The following MAPKBP1 variants were observed in gnomAD, a reference collection of about 807,000 sequenced individuals.
The protein encoded by MAPKBP1 is mitogen-activated protein kinase-binding protein 1.
Under a neutral mutation model 170.5 loss-of-function variants are expected in MAPKBP1, and 71 were observed. The observed-to-expected ratio is 0.42, with a 90% CI of 0.34 to 0.51. The LOEUF (loss-of-function observed/expected upper bound fraction) is 0.51, where lower values mean the gene tolerates loss of function less well. MAPKBP1 is among the 20% of genes least tolerant of loss of function. MAPKBP1 has a pLI of 0.06. For synonymous variants in MAPKBP1, 719 were observed against 757.9 expected (o/e 0.95, Z 0.84); for missense variants, 1,598 against 1,933.0 (o/e 0.83, Z 3.25).
rs1278333553 is a variant in MAPKBP1, at chr15:41,827,328, A to C, written c.*1892A>C. The C allele has an allele frequency of 6.6e-6, 1 of 152,062 alleles. No individual in the cohort carries two copies. The highest frequency in any genetic ancestry group is 1.5e-5 in the Non-Finnish European group (1 of 68,068). 9.4% of individuals were successfully genotyped at this position (152,062 alleles called of 1,614,324 possible). A position where few individuals can be genotyped will look rare whatever the true frequency, so the allele number is the denominator to read the frequency against. On this transcript the variant is annotated 3_prime_UTR_variant, in exon 31 of 31. Transcript: ENST00000457542. ...AAAAAAAAAGAAAAAGGGTTACAAA[A>C]GGTTCCCAGCTCCGGGGCATCAGCC...
chr15:41,818,954 A>T lies in MAPKBP1; in HGVS notation c.2288A>T (p.Asn763Ile), dbSNP rs768023031. 9.3e-6 allele frequency: 15 copies of T among 1,613,866 alleles called. No individual in the cohort carries two copies. Among genetic ancestry groups the T allele is most frequent in the Non-Finnish European group, 1.7e-6 (2 of 1,179,930 alleles). The change falls in exon 20 of 31, where the codon AAC becomes ATC. Residue 763 changes from asparagine (N) to isoleucine (I), a missense_variant. Around this residue, in one of 6 missense-constraint regions of MAPKBP1, gnomAD observed 942 missense variants for 953.2 expected, o/e 0.99. Coordinates refer to ENST00000457542, the MANE Select transcript of MAPKBP1 (RefSeq NM_014994.3). This position sits in a 1 kb window ranked among gnomAD's most constrained non-coding sequence, Gnocchi z 5.2. ...PSSPQRASGPNRHQAPSMLSP... is the reference protein window; with the variant it reads ...PSSPQRASGPIRHQAPSMLSP... ...TCTCCCCAAAGGGCTTCTGGACCCA[A>T]CCGGTGAGAACAGAATGTGGGCAAG...
intron 2 of MAPKBP1, among the ~76,000 whole-genome samples, chr15:41,795,676 G>A (rs1475332848): frequency 6.6e-6 from 1 of 152,042 alleles, no homozygotes; most frequent in Admixed American, 6.6e-5. Context: ...GTGCAATCTC[G>A]GTTCACTGTA....
At chr15:41,775,438 C>T (rs372913874) in intron 2 of MAPKBP1, 49 bp downstream of exon 2, 4 of 1,353,154 alleles carry the variant, frequency 3.0e-6, no homozygotes, top group Non-Finnish European at 4.2e-6. Flanking sequence ...CTCTCCTGCT[C>T]CATGTTCCTC....
chr15:41,824,628 G>A (rs975478308), intron 30 of MAPKBP1, 59 bp downstream of exon 30: 29 of 1,457,878 alleles, frequency 2.0e-5, no homozygotes, highest in East Asian at 9.8e-5. Context: ...TGGGTGTTTC[G>A]GATAACCATG....
rs1256524166 is a variant in MAPKBP1, at chr15:41,812,658, G to A, written c.636+5G>A. On this transcript the variant is annotated splice_donor_5th_base_variant and intron_variant, in intron 7 of 30. Transcript: ENST00000457542. Reference sequence around the variant, plus strand: ...GATGACAGCAAGACCTCAAAGGTGAGGTGCTGAAGCTGGGAGTAGCCACCA... The same window carrying A: ...GATGACAGCAAGACCTCAAAGGTGAAGTGCTGAAGCTGGGAGTAGCCACCA... 1 of 1,589,258 alleles carries A rather than the reference G, an allele frequency of 6.3e-7. No homozygotes were observed. The highest frequency in any genetic ancestry group is 8.6e-7 in the Non-Finnish European group (1 of 1,166,464).
intron 8 of MAPKBP1, 167 bp downstream of exon 8, chr15:41,813,268 C>T: frequency 6.6e-7 from 1 of 1,510,250 alleles, no homozygotes. Flanking sequence ...CCTTGGTGAT[C>T]TGTATAACTG....
At chr15:41,775,002 C>T in intron 1 of MAPKBP1, 165 bp from the exon 2 acceptor site, 2 of 466,254 alleles carry the variant, frequency 4.3e-6, no homozygotes, top group South Asian at 9.2e-5. Flanking sequence ...AGGATTTTCC[C>T]CCCCTTTTTC....
At position 41,817,059 on chromosome 15, in the gene MAPKBP1, C is replaced by T. The variant is rs768311911; in HGVS notation, c.1711+24C>T. ...AGGTGCGGGCAGGGTGAATGAGACA[C>T]ATCCTGCCACTCTCACCCCTGCTGC... is the stretch of plus-strand genomic sequence containing the variant. On this transcript the variant is annotated intron_variant, in intron 14 of 30. Transcript: ENST00000457542. This position sits in a 1 kb window ranked among gnomAD's most constrained non-coding sequence, Gnocchi z 4.2. The T allele has an allele frequency of 2.6e-6, 4 of 1,556,530 alleles. No homozygotes were observed. The African/African-American group carries it at 4.1e-5, about 16-fold the overall frequency.
chr15:41,816,457 T>C, intron 12 of MAPKBP1, 102 bp from the exon 13 acceptor site: 2 of 771,122 alleles, frequency 2.6e-6, no homozygotes, highest in Non-Finnish European at 4.4e-6. Context: ...GCCTAAAAGT[T>C]CAAAAAAAGG....
intron 3 of MAPKBP1, among the ~76,000 whole-genome samples, chr15:41,802,036 T>C (rs1736551868): frequency 6.6e-6 from 1 of 152,160 alleles, no homozygotes; most frequent in Admixed American, 6.5e-5. Context: ...GGCTACATGG[T>C]GTAGCCGGTT....
At position 41,786,777 on chromosome 15, in the gene MAPKBP1, A is replaced by AAAAAAATATATAT; in HGVS notation, c.114+11389_114+11390insAAAAATATATATA. ...CAGACTCCGTCTAAAAAAAAAAAAA[A>AAAAAAATATATAT]ATATATATATATATATATATATATA... On this transcript the variant is annotated intron_variant, in intron 2 of 30. Transcript: ENST00000457542. 5.2e-4 allele frequency among the ~76,000 whole-genome samples: 17 copies of AAAAAAATATATAT among 32,440 alleles called. 1 individual carries two copies. The highest frequency in any genetic ancestry group is 1.4e-3 in the African/African-American group (11 of 7,628). The allele number at this position is 32,440 out of a possible 152,430, so 21.3% of individuals were successfully genotyped here. A position where few individuals can be genotyped will look rare whatever the true frequency, so the allele number is the denominator to read the frequency against.
At position 41,817,420 on chromosome 15, in the gene MAPKBP1, G is replaced by GGAGC; in HGVS notation, c.1745_1748dup (p.Asp584SerfsTer33). ...TGGGCAAGTCCGCATGATCAGCTGT[G>GGAGC]GAGCAGACAAGAGCATCTACTTCCG... On this transcript the variant is annotated frameshift_variant, in exon 15 of 31. Coordinates refer to ENST00000457542, the MANE Select transcript of MAPKBP1 (RefSeq NM_014994.3). LOFTEE classifies it high-confidence loss of function. This position sits in a 1 kb window ranked among gnomAD's most constrained non-coding sequence, Gnocchi z 4.2. 6.2e-7 allele frequency: 1 copy of GGAGC among 1,614,200 alleles called. No homozygotes were observed. Among genetic ancestry groups the GGAGC allele is most frequent in the Non-Finnish European group, 8.5e-7 (1 of 1,180,018 alleles).
At chr15:41,778,903 G>C (rs919385610) in intron 2 of MAPKBP1, among the ~76,000 whole-genome samples, 1 of 152,148 alleles carries the variant, frequency 6.6e-6, no homozygotes, top group African/African-American at 2.4e-5. Flanking sequence ...AACTGAAGGA[G>C]GTATTGAGAT....
chr15:41,798,978 A>T (rs2064544415), intron 2 of MAPKBP1, among the ~76,000 whole-genome samples: 1 of 152,220 alleles, frequency 6.6e-6, no homozygotes, highest in East Asian at 1.9e-4. Flanking sequence ...AGTGACAGCA[A>T]GAGGTTAGAG....
rs1201364204 is a variant in MAPKBP1 at position 41,821,566 on chromosome 15, C to T, written c.2719-18C>T. ...TCTGTCACCTCTGCTCTGTTAACAT[C>T]CCTTTGTGTGTTCCCAGAATGAAAA... On this transcript the variant is annotated intron_variant, in intron 23 of 30. Transcript: ENST00000457542. 1 of 1,609,402 alleles carries T rather than the reference C, an allele frequency of 6.2e-7. No homozygotes were observed. Among genetic ancestry groups the T allele is most frequent in the Non-Finnish European group, 8.5e-7 (1 of 1,177,694 alleles).
At chr15:41,822,150 G>C in intron 25 of MAPKBP1, 40 bp downstream of exon 25, 2 of 1,592,098 alleles carry the variant, frequency 1.3e-6, no homozygotes, top group Non-Finnish European at 1.7e-6. Context: ...TGGGGGGTGG[G>C]GCCTGGAGGT....
In MAPKBP1 at chr15:41,817,321, AGGTGGGAG is replaced by A; in HGVS notation, c.1712-65_1712-58del. ...CTTGATGGGGGATCTCATGGAGGGA[AGGTGGGAG>A]GCAGGCTGCTCCCATGTGGTGAGAA... is the stretch of plus-strand genomic sequence containing the variant. On this transcript the variant is annotated intron_variant, in intron 14 of 30. Coordinates refer to ENST00000457542, the MANE Select transcript of MAPKBP1 (RefSeq NM_014994.3). This position sits in a 1 kb window ranked among gnomAD's most constrained non-coding sequence, Gnocchi z 4.2. 1 of 1,502,062 alleles carries A rather than the reference AGGTGGGAG, an allele frequency of 6.7e-7. No individual in the cohort carries two copies. The highest frequency in any genetic ancestry group is 1.7e-5 in the Admixed American group (1 of 59,738). The allele number at this position is 1,502,062 out of a possible 1,614,324, so 93.0% of individuals were successfully genotyped here.
intron 2 of MAPKBP1, among the ~76,000 whole-genome samples, chr15:41,781,346 A>G (rs530986481): frequency 6.6e-5 from 10 of 151,078 alleles, no homozygotes; most frequent in South Asian, 2.1e-4. Flanking sequence ...AAAGTGTGCA[A>G]TGCTTTTTTT....
At chr15:41,822,196 C>CGATG (rs763835182) in intron 25 of MAPKBP1, 29 bp from the exon 26 acceptor site, 2 of 1,605,648 alleles carry the variant, frequency 1.2e-6, no homozygotes, top group Admixed American at 1.7e-5. Context: ...GGGTGCAGTG[C>CGATG]GATGCCTCTC....
Sources: gnomAD v4.1 joint callset for allele counts (sites outside exome capture counted in the v4.1 genomes callset) on GRCh38, gnomAD v4.1.1 for gene constraint, gnomAD v4.1.1 regional missense constraint, Gnocchi (gnomAD v3.1) non-coding constraint, MANE v1.5 for transcripts, NCBI Gene and HGNC (gene_info 2026-07-23, HGNC 2026-07-21) for gene names.